Variants in NBDY observed in about 807,000 individuals in gnomAD.
NBDY encodes P-body dissociating protein.
At chrX:56,765,438 A>G (rs1478168574) in intron 2 of NBDY, among the ~76,000 whole-genome samples, 1 of 112,290 alleles carries the variant, frequency 8.9e-6, no homozygotes, top group Non-Finnish European at 1.9e-5. Flanking sequence ...TAGCTTCTGC[A>G]GGCCTACTTG....
chrX:56,753,434 C>G (rs1383854247), intron 2 of NBDY, among the ~76,000 whole-genome samples: 1 of 111,824 alleles, frequency 8.9e-6, no homozygotes, highest in Non-Finnish European at 1.9e-5. Context: ...GTGAAGATGT[C>G]CACTAGAATG....
At chrX:56,800,278 A>G (rs1239268486) in intron 2 of NBDY, among the ~76,000 whole-genome samples, 3 of 112,021 alleles carry the variant, frequency 2.7e-5, no homozygotes, top group East Asian at 2.8e-4. Flanking sequence ...ATCCCCACCA[A>G]TACTCACTAA....
At chrX:56,804,217 G>C (rs189572396) in intron 2 of NBDY, among the ~76,000 whole-genome samples, 1 of 111,945 alleles carries the variant, frequency 8.9e-6, no homozygotes, top group Non-Finnish European at 1.9e-5. Context: ...CTTGGGGAAG[G>C]GACAAAAGCT....
rs189748441 is a variant in NBDY at position 56,757,212 on chromosome X, T to G, written c.*166+25013T>G. ...GAGACATGTTCTATTTCATAATACA[T>G]TAATATATTTCCTTATATTAGATTT... is the stretch of plus-strand genomic sequence containing the variant. On this transcript the variant is annotated intron_variant, in intron 2 of 2. Transcript: ENST00000374922. Among the ~76,000 whole-genome samples the G allele has an allele frequency of 2.8e-3, 317 of 112,120 alleles. 2 individuals are homozygous for G. The highest frequency in any genetic ancestry group is 9.8e-3 in the African/African-American group (304 of 30,898).
chrX:56,816,092 T>C (rs967199213), intron 2 of NBDY, among the ~76,000 whole-genome samples: 16 of 111,488 alleles, frequency 1.4e-4, no homozygotes, highest in Non-Finnish European at 3.0e-4. Context: ...TACAATGTGG[T>C]TCCATTTAAA....
At chrX:56,760,768 G>T (rs762663274) in intron 2 of NBDY, among the ~76,000 whole-genome samples, 3 of 112,271 alleles carry the variant, frequency 2.7e-5, no homozygotes, top group African/African-American at 9.7e-5. Flanking sequence ...CTTCAGCATT[G>T]CTCCTCACCT....
intron 2 of NBDY, among the ~76,000 whole-genome samples, chrX:56,752,350 C>T (rs1286235927): frequency 8.9e-6 from 1 of 111,936 alleles, no homozygotes; most frequent in Admixed American, 9.4e-5. Context: ...CATTGCTCCA[C>T]AGCCTCACCA....
intron 2 of NBDY, among the ~76,000 whole-genome samples, chrX:56,785,310 G>C (rs1253783176): frequency 9.0e-6 from 1 of 111,531 alleles, no homozygotes; most frequent in Non-Finnish European, 1.9e-5. Context: ...GATTTGGACT[G>C]TGTCTTTGGG....
At chrX:56,793,585 C>T (rs1208290344) in intron 2 of NBDY, among the ~76,000 whole-genome samples, 1 of 110,749 alleles carries the variant, frequency 9.0e-6, no homozygotes, top group Non-Finnish European at 1.9e-5. Context: ...TTTGTGGAGC[C>T]ATACTGCCAT....
intron 2 of NBDY, among the ~76,000 whole-genome samples, chrX:56,816,707 T>G (rs2069912338): frequency 2.7e-5 from 3 of 110,328 alleles, no homozygotes. Flanking sequence ...ATTATATTAT[T>G]ATAAATACTA....
chrX:56,791,345 T>C (rs375142556), intron 2 of NBDY, among the ~76,000 whole-genome samples: 24 of 112,111 alleles, frequency 2.1e-4, no homozygotes, highest in African/African-American at 7.8e-4. Flanking sequence ...ATTTCTGCTC[T>C]GTCTCCGTAT....
intron 2 of NBDY, among the ~76,000 whole-genome samples, chrX:56,739,470 A>G (rs766344059): frequency 9.4e-6 from 1 of 106,921 alleles, no homozygotes; most frequent in African/African-American, 3.4e-5. Flanking sequence ...GCCAGGAACC[A>G]TGGACAAAAA....
intron 2 of NBDY, among the ~76,000 whole-genome samples, chrX:56,750,059 T>C (rs769363335): frequency 8.9e-6 from 1 of 111,854 alleles, no homozygotes; most frequent in South Asian, 3.7e-4. Flanking sequence ...TAATAAAGCA[T>C]TAAAATATTT....
At chrX:56,812,004 G>T (rs1483777856) in intron 2 of NBDY, among the ~76,000 whole-genome samples, 3 of 110,902 alleles carry the variant, frequency 2.7e-5, no homozygotes, top group South Asian at 3.9e-4. Flanking sequence ...CTAGGAGAGG[G>T]AGTTCCCTGA....
chrX:56,803,049 C>T (rs1483017950), intron 2 of NBDY, among the ~76,000 whole-genome samples: 2 of 111,499 alleles, frequency 1.8e-5, no homozygotes, highest in Admixed American at 9.5e-5. Flanking sequence ...TGCCATCGAG[C>T]GGAATCTGTT....
In NBDY at chrX:56,733,678, C is replaced by G. The variant is rs1267151591; in HGVS notation, c.*166+1479C>G. On this transcript the variant is annotated intron_variant, in intron 2 of 2. Transcript: ENST00000374922. ...TAGTGGCAGAATTTCATGCCTTGTTCTAATTAAGGGACTTTCCTTGTTTTC... is the reference window on the plus strand; with the variant it reads ...TAGTGGCAGAATTTCATGCCTTGTTGTAATTAAGGGACTTTCCTTGTTTTC... Among the ~76,000 whole-genome samples the G allele has an allele frequency of 3.6e-5, 4 of 111,709 alleles. No homozygotes were observed. In the Admixed American group the frequency reaches 3.8e-4, roughly 11 times the overall value.
chrX:56,736,044 G>A (rs183220521), intron 2 of NBDY, among the ~76,000 whole-genome samples: 19 of 110,078 alleles, frequency 1.7e-4, no homozygotes, highest in South Asian at 1.2e-3. Flanking sequence ...CACATTTCTC[G>A]TTGCTTTACA....
chrX:56,738,270 T>G (rs188369327), intron 2 of NBDY, among the ~76,000 whole-genome samples: 2 of 112,359 alleles, frequency 1.8e-5, no homozygotes, highest in African/African-American at 6.5e-5. Flanking sequence ...CTTCTGACAC[T>G]GATTGTGTGG....
intron 2 of NBDY, among the ~76,000 whole-genome samples, chrX:56,811,958 G>GCACTAACA (rs2069889339): frequency 9.0e-6 from 1 of 111,575 alleles, no homozygotes. Context: ...TGTCTGTGCT[G>GCACTAACA]GAGTGCATGG....
Sources: allele counts gnomAD v4.1 joint callset (sites outside exome capture counted in the v4.1 genomes callset), GRCh38; gene constraint gnomAD v4.1.1; transcripts MANE v1.5; gene names NCBI Gene and HGNC (gene_info 2026-07-23, HGNC 2026-07-21).